SPATA9: variants seen among roughly 807,000 people sequenced by gnomAD.
The protein encoded by SPATA9 is spermatogenesis associated 9.
In SPATA9, 27 loss-of-function variants were observed where a neutral mutation model predicts 25.5. The ratio of observed to expected loss-of-function variants is 1.06; its 90% CI spans 0.78 to 1.46. The LOEUF (loss-of-function observed/expected upper bound fraction) is 1.46. Among genes scored for constraint, SPATA9 ranks in the 40% most tolerant of loss-of-function variants. SPATA9 has a pLI of 0.00. For missense variants in SPATA9, 282 were observed against 297.5 expected (o/e 0.95, Z 0.38); for synonymous variants, 102 against 105.7 (o/e 0.97, Z 0.21).
At chr5:95,704,243 G>A in the SPATA9 span, among the ~76,000 whole-genome samples, 13 of 152,306 alleles carry the variant, frequency 8.5e-5, no homozygotes, top group Non-Finnish European at 1.8e-4. Flanking sequence ...ATTACAAAAT[G>A]TATAAATTCT....
chr5:95,692,970 T>C (rs974190898), intron 1 of SPATA9, among the ~76,000 whole-genome samples: 5 of 152,226 alleles, frequency 3.3e-5, no homozygotes, highest in Non-Finnish European at 5.9e-5. Context: ...AATTCTTTTA[T>C]AGCCCACTAA....
chr5:95,702,988 A>G (rs115969612), upstream of SPATA9, among the ~76,000 whole-genome samples: 1,351 of 152,368 alleles, frequency 8.9e-3, 20 homozygotes, highest in African/African-American at 0.029. Context: ...AAAATTTCCT[A>G]TAAAGTACCA....
At chr5:95,671,493 C>A (rs1329318630) in intron 3 of SPATA9, among the ~76,000 whole-genome samples, 2 of 152,184 alleles carry the variant, frequency 1.3e-5, no homozygotes, top group African/African-American at 4.8e-5. Flanking sequence ...TCACTGCAAC[C>A]TCGCCTCCAG....
At chr5:95,676,150 T>A (rs1342418499) in intron 2 of SPATA9, among the ~76,000 whole-genome samples, 1 of 152,156 alleles carries the variant, frequency 6.6e-6, no homozygotes, top group African/African-American at 2.4e-5. Context: ...TATATTTTTT[T>A]CCCTGGGATA....
At chr5:95,667,196 G>A (rs920103413) in intron 3 of SPATA9, among the ~76,000 whole-genome samples, 2 of 151,906 alleles carry the variant, frequency 1.3e-5, no homozygotes, top group Non-Finnish European at 2.9e-5. Context: ...CTCAGTGTTC[G>A]CTTAGTGCTG....
chr5:95,720,414 A>T, the SPATA9 span, among the ~76,000 whole-genome samples: 1 of 152,224 alleles, frequency 6.6e-6, no homozygotes, highest in Non-Finnish European at 1.5e-5. Context: ...ATGCAAAAGG[A>T]CTGAGGAATT....
the SPATA9 span, among the ~76,000 whole-genome samples, chr5:95,709,664 T>G: frequency 6.6e-6 from 1 of 152,236 alleles, no homozygotes; most frequent in Admixed American, 6.5e-5. Flanking sequence ...ACTACCGTAT[T>G]GGCAGTTTCG....
At chr5:95,671,617 C>T (rs1752383191) in intron 3 of SPATA9, among the ~76,000 whole-genome samples, 1 of 152,092 alleles carries the variant, frequency 6.6e-6, no homozygotes, top group African/African-American at 2.4e-5. Context: ...ACCATGTTAG[C>T]CAGGCTGGTC....
chr5:95,702,864 G>C (rs1326557661), upstream of SPATA9, among the ~76,000 whole-genome samples: 1 of 152,160 alleles, frequency 6.6e-6, no homozygotes, highest in East Asian at 1.9e-4. Context: ...CTGGGTGATA[G>C]AGCAAGACTC....
At chr5:95,659,801 C>A (rs73149618) in intron 4 of SPATA9, among the ~76,000 whole-genome samples, 2,516 of 152,178 alleles carry the variant, frequency 0.017, 66 homozygotes, top group African/African-American at 0.058. Context: ...AAGACACTTT[C>A]CCTCACTTCC....
chr5:95,722,381 G>A, the SPATA9 span, among the ~76,000 whole-genome samples: 1 of 152,094 alleles, frequency 6.6e-6, no homozygotes, highest in Non-Finnish European at 1.5e-5. Context: ...GATTACAAAT[G>A]GAAAACTTCC....
At chr5:95,702,082 C>G (rs1049013825), upstream of SPATA9, among the ~76,000 whole-genome samples, 1 of 152,046 alleles carries the variant, frequency 6.6e-6, no homozygotes, top group Non-Finnish European at 1.5e-5. Flanking sequence ...CAAGAGGAAA[C>G]TTAAGAGCAC....
chr5:95,684,198 G>C (rs565526815), upstream of SPATA9, among the ~76,000 whole-genome samples: 93 of 152,172 alleles, frequency 6.1e-4, 1 homozygote, highest in African/African-American at 1.9e-3. Context: ...GCAATCCATC[G>C]GTACAAAGAA....
downstream of SPATA9, chr5:95,652,234 C>A: frequency 6.5e-7 from 1 of 1,541,928 alleles, no homozygotes; most frequent in Non-Finnish European, 8.8e-7. Flanking sequence ...CTCTACTGAT[C>A]TTGCCTCTCT....
In SPATA9 at chr5:95,682,567, A is replaced by G. The variant is rs775489150; in HGVS notation, c.111T>C (p.Asp37=). The G allele has an allele frequency of 3.1e-6, 5 of 1,613,664 alleles. No individual in the cohort carries two copies. Among genetic ancestry groups the G allele is most frequent in the Non-Finnish European group, 4.2e-6 (5 of 1,179,790 alleles). Residue 37 remains aspartate, a synonymous_variant, in exon 2 of 5, where the codon GAT becomes GAC. Transcript: ENST00000274432. Reference sequence around the variant, plus strand: ...ATAATCTTAGGATGGTGGGAAATTCATCTTTAAACTCATCTACAAGGTCCA... The same window carrying G: ...ATAATCTTAGGATGGTGGGAAATTCGTCTTTAAACTCATCTACAAGGTCCA... ...AIMDLVDEFK[D]EFPTILRLSQ...
At chr5:95,653,795 G>A (rs546058969), downstream of SPATA9, among the ~76,000 whole-genome samples, 2 of 152,238 alleles carry the variant, frequency 1.3e-5, no homozygotes, top group South Asian at 4.1e-4. Context: ...CTACTCGGGA[G>A]GCCAAGGCAG....
At chr5:95,704,551 C>T in the SPATA9 span, among the ~76,000 whole-genome samples, 2 of 151,818 alleles carry the variant, frequency 1.3e-5, no homozygotes, top group Admixed American at 1.3e-4. Context: ...ATATAGGTCT[C>T]CTTTAAATGA....
At chr5:95,712,937 T>A in the SPATA9 span, among the ~76,000 whole-genome samples, 1 of 152,222 alleles carries the variant, frequency 6.6e-6, no homozygotes, top group Non-Finnish European at 1.5e-5. Flanking sequence ...TTCATATAGA[T>A]CTCATGCATT....
At chr5:95,662,551 C>A (rs1168923336) in intron 4 of SPATA9, among the ~76,000 whole-genome samples, 3 of 152,262 alleles carry the variant, frequency 2.0e-5, no homozygotes, top group African/African-American at 4.8e-5. Flanking sequence ...AGGCACACAC[C>A]ACCATGCCTG....
Sources: gnomAD v4.1 joint callset for allele counts (sites outside exome capture counted in the v4.1 genomes callset) on GRCh38, gnomAD v4.1.1 for gene constraint, MANE v1.5 for transcripts, NCBI Gene and HGNC (gene_info 2026-07-23, HGNC 2026-07-21) for gene names.